The following ASAP1 variants were observed in gnomAD, a reference collection of about 807,000 sequenced individuals.
The protein encoded by ASAP1 is arf-GAP with SH3 domain, ANK repeat and PH domain-containing protein 1.
In ASAP1, 43 loss-of-function variants were observed where a neutral mutation model predicts 145.2. That is an observed-to-expected ratio of 0.30 (90% CI 0.23 to 0.38). The LOEUF (loss-of-function observed/expected upper bound fraction) is 0.38, where lower values mean the gene tolerates loss of function less well. Among genes scored for constraint, ASAP1 ranks in the 10% least tolerant of loss-of-function variants. The pLI is 1.00. For missense variants in ASAP1, 1,018 were observed against 1,355.3 expected (o/e 0.75, Z 3.91); for synonymous variants, 546 against 515.5 (o/e 1.06, Z -0.80).
intron 1 of ASAP1, among the ~76,000 whole-genome samples, chr8:130,425,686 G>A (rs1020952608): frequency 6.6e-6 from 1 of 152,214 alleles, no homozygotes; most frequent in Non-Finnish European, 1.5e-5. Context: ...AGGGATCAGA[G>A]AATGACAGGC....
chr8:130,146,283 C>A, intron 13 of ASAP1, among the ~76,000 whole-genome samples: 1 of 151,998 alleles, frequency 6.6e-6, no homozygotes, highest in East Asian at 1.9e-4. Context: ...CTTTTTACCC[C>A]TTAGTAAAAG....
chr8:130,442,676 T>C (rs1830526277), intron 1 of ASAP1, among the ~76,000 whole-genome samples: 1 of 152,150 alleles, frequency 6.6e-6, no homozygotes, highest in South Asian at 2.1e-4. Context: ...AAGTTAACGA[T>C]GATGGTCTGC....
chr8:130,059,666 G>T (rs537642696), intron 28 of ASAP1, among the ~76,000 whole-genome samples: 1 of 152,232 alleles, frequency 6.6e-6, no homozygotes, highest in African/African-American at 2.4e-5. Context: ...ATATAGAGTA[G>T]GAAACATTTC....
chr8:130,080,184 A>G (rs2097475919), intron 25 of ASAP1, among the ~76,000 whole-genome samples: 1 of 152,192 alleles, frequency 6.6e-6, no homozygotes, highest in African/African-American at 2.4e-5. Context: ...AAAGGAGTGT[A>G]TCAAAGAGGT....
chr8:130,376,619 G>A (rs902346228), intron 2 of ASAP1, among the ~76,000 whole-genome samples: 1 of 152,074 alleles, frequency 6.6e-6, no homozygotes, highest in African/African-American at 2.4e-5. Flanking sequence ...CCAGCTACTC[G>A]GGAGGCTGAG....
chr8:130,330,524 T>C (rs1251219539), intron 3 of ASAP1, among the ~76,000 whole-genome samples: 2 of 152,238 alleles, frequency 1.3e-5, no homozygotes, highest in East Asian at 3.9e-4. Flanking sequence ...ATTCATTCTG[T>C]TACCCTTCCC....
At chr8:130,275,673 G>T (rs913790066) in intron 3 of ASAP1, among the ~76,000 whole-genome samples, 2 of 151,326 alleles carry the variant, frequency 1.3e-5, no homozygotes, top group Non-Finnish European at 2.9e-5. Flanking sequence ...CACAATTAGA[G>T]AAACGTAAGC....
In ASAP1 at chr8:130,364,431, T is replaced by C. The variant is rs547581722; in HGVS notation, c.60-6288A>G. 2.6e-5 allele frequency among the ~76,000 whole-genome samples: 4 copies of C among 152,358 alleles called. No individual in the cohort carries two copies. In the South Asian group the frequency reaches 8.3e-4, roughly 32 times the overall value. Reference sequence around the variant, plus strand: ...AGGTACTGTATTATTCCCCATGTTATATGCATGGGAAACCTGAAGCTTAGA... The same window carrying C: ...AGGTACTGTATTATTCCCCATGTTACATGCATGGGAAACCTGAAGCTTAGA... On this transcript the variant is annotated intron_variant, in intron 2 of 29. Coordinates refer to ENST00000518721, the MANE Select transcript of ASAP1 (RefSeq NM_018482.4).
chr8:130,398,704 A>G (rs918383679), intron 2 of ASAP1, among the ~76,000 whole-genome samples: 2 of 152,200 alleles, frequency 1.3e-5, no homozygotes, highest in African/African-American at 4.8e-5. Flanking sequence ...GCTTAACTCA[A>G]CTAGTGCTCA....
At chr8:130,208,267 C>T (rs377254112) in intron 5 of ASAP1, among the ~76,000 whole-genome samples, 4 of 152,138 alleles carry the variant, frequency 2.6e-5, no homozygotes, top group African/African-American at 7.2e-5. Flanking sequence ...TAGAATTCCC[C>T]CCATTTTTGC....
chr8:130,076,447 A>G, intron 26 of ASAP1, 41 bp from the exon 27 acceptor site: 3 of 1,347,064 alleles, frequency 2.2e-6, no homozygotes, highest in Non-Finnish European at 3.2e-6. Flanking sequence ...TAAAAGTGCT[A>G]GAATATCAAT....
chr8:130,184,617 G>A (rs919460687), intron 7 of ASAP1, among the ~76,000 whole-genome samples: 3 of 152,208 alleles, frequency 2.0e-5, no homozygotes, highest in African/African-American at 7.2e-5. Flanking sequence ...AGAATGCTCT[G>A]TTCTATGATA....
chr8:130,317,080 C>T (rs1009362239), intron 3 of ASAP1, among the ~76,000 whole-genome samples: 4 of 135,958 alleles, frequency 2.9e-5, no homozygotes, highest in African/African-American at 1.2e-4. Context: ...TTTAGTTTCA[C>T]ATCATGCTTT....
chr8:130,336,415 T>A (rs1224094775), intron 3 of ASAP1, among the ~76,000 whole-genome samples: 1 of 152,176 alleles, frequency 6.6e-6, no homozygotes, highest in Non-Finnish European at 1.5e-5. Context: ...CAAATTAGAA[T>A]CAGCACATAA....
At chr8:130,075,289 G>A (rs1213324962) in intron 27 of ASAP1, among the ~76,000 whole-genome samples, 1 of 152,318 alleles carries the variant, frequency 6.6e-6, no homozygotes, top group Middle Eastern at 3.4e-3. Flanking sequence ...TCTGTTCTAC[G>A]GAAAGTGAAT....
At chr8:130,185,588 T>C (rs1814659539) in intron 7 of ASAP1, among the ~76,000 whole-genome samples, 1 of 150,664 alleles carries the variant, frequency 6.6e-6, no homozygotes, top group African/African-American at 2.4e-5. Context: ...ATTAGCTGGG[T>C]GTTGGTGGCA....
intron 1 of ASAP1, among the ~76,000 whole-genome samples, chr8:130,440,782 G>C (rs2138844672): frequency 6.6e-6 from 1 of 152,266 alleles, no homozygotes; most frequent in African/African-American, 2.4e-5. Context: ...GCCCTCCCCT[G>C]CAATCTCTCT....
intron 4 of ASAP1, among the ~76,000 whole-genome samples, chr8:130,215,667 C>A (rs1415677103): frequency 6.6e-6 from 1 of 152,046 alleles, no homozygotes; most frequent in African/African-American, 2.4e-5. Flanking sequence ...TGGTGTGAAC[C>A]TGGGAGGCGG....
chr8:130,260,589 T>G (rs1819833855), intron 3 of ASAP1, among the ~76,000 whole-genome samples: 1 of 152,208 alleles, frequency 6.6e-6, no homozygotes, highest in Non-Finnish European at 1.5e-5. Flanking sequence ...CCCACTCCTG[T>G]GGCTTCTCCC....
Sources: allele counts gnomAD v4.1 joint callset (sites outside exome capture counted in the v4.1 genomes callset), GRCh38; gene constraint gnomAD v4.1.1; transcripts MANE v1.5; gene names NCBI Gene and HGNC (gene_info 2026-07-23, HGNC 2026-07-21).